Variants in GINS1 observed in about 807,000 individuals in gnomAD.
The protein encoded by GINS1 is DNA replication complex GINS protein PSF1.
In GINS1, 26 loss-of-function variants were observed where a neutral mutation model predicts 34.9. That is an observed-to-expected ratio of 0.74 (90% CI 0.55 to 1.03). The LOEUF (loss-of-function observed/expected upper bound fraction) is 1.03, where lower values mean the gene tolerates loss of function less well. Ranked by LOEUF, GINS1 falls within the 50% of genes least tolerant of loss-of-function variation. The probability of loss-of-function intolerance (pLI) is 0.00; values close to 1 mark genes in which losing one functional copy is unlikely to be tolerated. For synonymous variants in GINS1, 97 were observed against 84.4 expected, an observed-to-expected ratio of 1.15 and a Z score of -0.82; for missense variants, 235 against 237.9, an observed-to-expected ratio of 0.99 and a Z score of 0.08.
Position 25,413,415 on chromosome 20 carries a change from G to A in GINS1, c.76-375G>A, listed in dbSNP as rs115989054. 431 of 166,416 alleles carry A rather than the reference G, an allele frequency of 2.6e-3. 2 individuals carry two copies. The highest frequency in any genetic ancestry group is 9.1e-3 in the African/African-American group (380 of 41,950). 10.3% of individuals were successfully genotyped at this position (166,416 alleles called of 1,614,324 possible). On this transcript the variant is annotated intron_variant, in intron 1 of 6. Transcript: ENST00000262460. Reference sequence around the variant, plus strand: ...TTTATCCATCTATCATTTGATGGACGTTTGGGTTGTTTCTACATTTTTATT... The same window carrying A: ...TTTATCCATCTATCATTTGATGGACATTTGGGTTGTTTCTACATTTTTATT...
chr20:25,414,501 C>T (rs2090307955), intron 2 of GINS1, among the ~76,000 whole-genome samples: 1 of 152,048 alleles, frequency 6.6e-6, no homozygotes, highest in Non-Finnish European at 1.5e-5. Flanking sequence ...CAGTTGAGGC[C>T]AGGAGCCTGG....
At chr20:25,411,694 G>A (rs569352691) in intron 1 of GINS1, among the ~76,000 whole-genome samples, 1 of 152,100 alleles carries the variant, frequency 6.6e-6, no homozygotes, top group African/African-American at 2.4e-5. Context: ...TGTAATCCTA[G>A]CACTTTGGGA....
chr20:25,423,456 T>C (rs1490474724), intron 4 of GINS1, among the ~76,000 whole-genome samples: 1 of 22,214 alleles, frequency 4.5e-5, no homozygotes, highest in Admixed American at 4.8e-4. Context: ...TCTTTTCTTT[T>C]TTTTTTTTTT....
intron 1 of GINS1, among the ~76,000 whole-genome samples, chr20:25,411,646 A>G (rs545566517): frequency 6.6e-6 from 1 of 152,140 alleles, no homozygotes; most frequent in Non-Finnish European, 1.5e-5. Context: ...CAAAAAAAAA[A>G]AGATTACAAA....
At chr20:25,422,970 T>G (rs1039585916) in intron 4 of GINS1, among the ~76,000 whole-genome samples, 1 of 152,112 alleles carries the variant, frequency 6.6e-6, no homozygotes, top group East Asian at 1.9e-4. Flanking sequence ...CAGAGATGGG[T>G]TTCTCCATGT....
At chr20:25,410,418 T>A (rs897323511) in intron 1 of GINS1, among the ~76,000 whole-genome samples, 1 of 152,050 alleles carries the variant, frequency 6.6e-6, no homozygotes, top group African/African-American at 2.4e-5. Context: ...ACTAGTGCCT[T>A]CCACTGACAA....
intron 5 of GINS1, among the ~76,000 whole-genome samples, chr20:25,432,519 T>C (rs1032293913): frequency 6.6e-6 from 1 of 151,942 alleles, no homozygotes; most frequent in African/African-American, 2.4e-5. Context: ...CAGGATGGAG[T>C]GCAGTGGTGC....
At chr20:25,444,708 C>T (rs1337207086) in intron 6 of GINS1, among the ~76,000 whole-genome samples, 2 of 152,148 alleles carry the variant, frequency 1.3e-5, no homozygotes, top group East Asian at 3.9e-4. Flanking sequence ...TCTGTAAGTC[C>T]TGGTATTTGA....
At chr20:25,417,544 T>A (rs1186693766) in intron 3 of GINS1, among the ~76,000 whole-genome samples, 1 of 152,138 alleles carries the variant, frequency 6.6e-6, no homozygotes, top group Non-Finnish European at 1.5e-5. Flanking sequence ...TTCTTACTAT[T>A]TTTTCTTTGT....
chr20:25,410,202 G>A (rs980165642), intron 1 of GINS1, among the ~76,000 whole-genome samples: 1 of 152,026 alleles, frequency 6.6e-6, no homozygotes, highest in East Asian at 1.9e-4. Context: ...TTAGCCAGGC[G>A]TGGTGGGATG....
chr20:25,421,100 C>A, intron 4 of GINS1: 1 of 250,956 alleles, frequency 4.0e-6, no homozygotes, highest in Non-Finnish European at 6.3e-6. Flanking sequence ...CTTGAGTCTG[C>A]CACCTAAATT....
At chr20:25,413,919 C>T (rs577941271) in intron 2 of GINS1, 65 bp downstream of exon 2, 160 of 921,298 alleles carry the variant, frequency 1.7e-4, no homozygotes, top group Non-Finnish European at 2.4e-4. Flanking sequence ...TGGCCGGGCG[C>T]GGTGGCTCAC....
intron 4 of GINS1, chr20:25,420,841 CT>C: frequency 1.0e-6 from 1 of 969,452 alleles, no homozygotes; most frequent in Non-Finnish European, 1.2e-6. Context: ...GTCTCGTTCT[CT>C]TAGTAGTGAT....
chr20:25,429,332 T>C (rs1046520431), intron 5 of GINS1, among the ~76,000 whole-genome samples: 13 of 152,132 alleles, frequency 8.5e-5, no homozygotes, highest in African/African-American at 2.7e-4. Flanking sequence ...TGAGATTTTA[T>C]ATGGATTGTG....
In GINS1 at chr20:25,447,014, T is replaced by G. The variant is rs553835390; in HGVS notation, c.*1023T>G. 4 of 152,140 alleles carry G rather than the reference T, an allele frequency of 2.6e-5. No individual in the cohort carries two copies. Among genetic ancestry groups the G allele is most frequent in the South Asian group, 4.2e-4 (2 of 4,806 alleles). The allele number at this position is 152,140 out of a possible 1,614,324, so 9.4% of individuals were successfully genotyped here. On this transcript the variant is annotated 3_prime_UTR_variant, in exon 7 of 7. Transcript: ENST00000262460. ...TTTATACTTTGGTCTATGACCCGTT[T>G]TTTTTTTTGTTTTGTTTTGTTTTTT...
chr20:25,445,778 C>G (rs1203408568), intron 6 of GINS1, 145 bp from the exon 7 acceptor site: 4 of 606,216 alleles, frequency 6.6e-6, no homozygotes, highest in Non-Finnish European at 1.2e-5. Flanking sequence ...CCACCGTACC[C>G]AGCCCCTTAA....
At chr20:25,408,312 T>C (rs1487552131) in intron 1 of GINS1, among the ~76,000 whole-genome samples, 1 of 152,154 alleles carries the variant, frequency 6.6e-6, no homozygotes, top group Non-Finnish European at 1.5e-5. Context: ...AGTTTTCTCA[T>C]ACGCAAAAAT....
intron 4 of GINS1, among the ~76,000 whole-genome samples, chr20:25,423,113 G>GT (rs111280051): frequency 0.024 from 3,376 of 141,168 alleles, 109 homozygotes; most frequent in African/African-American, 0.08. Flanking sequence ...AGTATTTCTG[G>GT]TTTTTTTTTT....
At position 25,446,721 on chromosome 20, in the gene GINS1, C is replaced by T. The variant is rs1293034395; in HGVS notation, c.*730C>T. On this transcript the variant is annotated 3_prime_UTR_variant, in exon 7 of 7. Coordinates refer to ENST00000262460, the MANE Select transcript of GINS1 (RefSeq NM_021067.5). The stretch of plus-strand genomic sequence containing the variant: ...GTGGCTATGGGGTGATCACCAGTAT[C>T]ACCACTTTGGAAGGGGACAGTGAAA... 6.6e-6 allele frequency: 1 copy of T among 152,214 alleles called. No individual in the cohort carries two copies. The highest frequency in any genetic ancestry group is 1.9e-4 in the East Asian group (1 of 5,202). The allele number at this position is 152,214 out of a possible 1,614,324, so 9.4% of individuals were successfully genotyped here.
Sources: gnomAD v4.1 joint callset for allele counts (sites outside exome capture counted in the v4.1 genomes callset) on GRCh38, gnomAD v4.1.1 for gene constraint, MANE v1.5 for transcripts, NCBI Gene and HGNC (gene_info 2026-07-23, HGNC 2026-07-21) for gene names.